Variants in RYR3 observed in about 807,000 individuals in gnomAD.
The protein encoded by RYR3 is ryanodine receptor 3.
A neutral mutation model predicts 584.3 loss-of-function variants in RYR3; 207 were observed. The ratio of observed to expected loss-of-function variants is 0.35; its 90% confidence interval spans 0.32 to 0.40. RYR3 has a LOEUF of 0.40. Among genes scored for constraint, RYR3 ranks in the 10% least tolerant of loss-of-function variants. The pLI is 1.00. For missense variants in RYR3, 5,616 were observed against 6,089.2 expected (o/e 0.92, Z 2.59); for synonymous variants, 2,416 against 2,248.5 (o/e 1.07, Z -2.11).
chr15:33,810,900 C>G (rs2076496420), intron 71 of RYR3, 78 bp from the exon 72 acceptor site: 2 of 1,260,054 alleles, frequency 1.6e-6, no homozygotes, highest in Non-Finnish European at 2.3e-6. Context: ...TGTGCGTTGA[C>G]TCTCCATACA....
chr15:33,394,139 T>A (rs542469821), intron 1 of RYR3, among the ~76,000 whole-genome samples: 6 of 152,172 alleles, frequency 3.9e-5, no homozygotes, highest in Admixed American at 6.5e-5. Flanking sequence ...AGTGTTACTG[T>A]CCTCATTTTC....
intron 99 of RYR3, chr15:33,858,125 C>A: frequency 3.1e-6 from 2 of 636,316 alleles, no homozygotes; most frequent in Non-Finnish European, 5.3e-6. Context: ...TTTTCATTAC[C>A]ACACATCTAA....
chr15:33,469,696 AATAG>A (rs1373748558), intron 1 of RYR3, among the ~76,000 whole-genome samples: 5 of 152,114 alleles, frequency 3.3e-5, no homozygotes, highest in Non-Finnish European at 7.4e-5. Context: ...CGCAGGTAAA[AATAG>A]ATGGAGGTTT....
intron 1 of RYR3, among the ~76,000 whole-genome samples, chr15:33,348,880 A>T (rs1972825029): frequency 6.6e-6 from 1 of 152,098 alleles, no homozygotes; most frequent in African/African-American, 2.4e-5. Context: ...TTGCAGCATA[A>T]TACAGAATAG....
chr15:33,710,742 G>A (rs1417915929), intron 43 of RYR3, among the ~76,000 whole-genome samples: 2 of 152,216 alleles, frequency 1.3e-5, no homozygotes, highest in African/African-American at 4.8e-5. Context: ...CATACCTACA[G>A]GCTTAACACT....
At chr15:33,510,277 C>T (rs1250610355) in intron 3 of RYR3, among the ~76,000 whole-genome samples, 2 of 152,170 alleles carry the variant, frequency 1.3e-5, no homozygotes, top group African/African-American at 4.8e-5. Flanking sequence ...GCTTTAGGTT[C>T]CCCACCTCTA....
At chr15:33,688,996 C>G (rs1402166442) in intron 38 of RYR3, among the ~76,000 whole-genome samples, 2 of 151,988 alleles carry the variant, frequency 1.3e-5, no homozygotes, top group East Asian at 3.9e-4. Flanking sequence ...CAATGATAGA[C>G]TAGATTAAGA....
At chr15:33,634,122 G>C (rs1231949075) in intron 24 of RYR3, among the ~76,000 whole-genome samples, 1 of 152,126 alleles carries the variant, frequency 6.6e-6, no homozygotes, top group African/African-American at 2.4e-5. Context: ...CATGACCTCA[G>C]CTCACTGCAA....
chr15:33,311,031 GA>G lies in RYR3; in HGVS notation c.-14del, dbSNP rs1432263981. 1.9e-6 allele frequency: 3 copies of G among 1,575,154 alleles called. No individual in the cohort carries two copies. The highest frequency in any genetic ancestry group is 1.4e-5 in the African/African-American group (1 of 72,288). On this transcript the variant is annotated 5_prime_UTR_variant, in exon 1 of 104. Coordinates refer to ENST00000634891, the MANE Select transcript of RYR3 (RefSeq NM_001036.6). The surrounding 1 kb of genome is among the most constrained non-coding windows in gnomAD (Gnocchi z 4.4). ...AGGCGCCGGAGGCTGGGGCACCGCC[GA>G]CGCCTCGGGAGCCATGGCCGAAGGG... is the stretch of plus-strand genomic sequence containing the variant.
intron 1 of RYR3, among the ~76,000 whole-genome samples, chr15:33,463,632 C>T (rs2048222726): frequency 6.6e-6 from 1 of 152,158 alleles, no homozygotes; most frequent in Non-Finnish European, 1.5e-5. Flanking sequence ...GAATTAATTG[C>T]ATATGTAAAC....
chr15:33,631,113 A>ACAAG (rs2152630953), intron 22 of RYR3, 97 bp from the exon 23 acceptor site: 1 of 727,562 alleles, frequency 1.4e-6, no homozygotes, highest in Admixed American at 2.8e-5. Flanking sequence ...GGCTAAATGA[A>ACAAG]TGGCTCTTGT....
chr15:33,478,815 G>A (rs1457572952), intron 2 of RYR3, among the ~76,000 whole-genome samples: 1 of 152,142 alleles, frequency 6.6e-6, no homozygotes. Context: ...GGAAGAATAT[G>A]AGAACTATTT....
intron 1 of RYR3, among the ~76,000 whole-genome samples, chr15:33,365,190 T>A (rs1412564474): frequency 6.6e-6 from 1 of 152,196 alleles, no homozygotes; most frequent in African/African-American, 2.4e-5. Flanking sequence ...ACAGACTGGA[T>A]AACCCTCCTC....
chr15:33,314,199 T>C (rs1967758065), intron 1 of RYR3, among the ~76,000 whole-genome samples: 2 of 152,142 alleles, frequency 1.3e-5, no homozygotes, highest in Non-Finnish European at 2.9e-5. Flanking sequence ...CTGACAGTCA[T>C]GTATGCCAGT....
At chr15:33,617,616 T>A (rs2060518557) in intron 19 of RYR3, among the ~76,000 whole-genome samples, 1 of 152,182 alleles carries the variant, frequency 6.6e-6, no homozygotes, top group Admixed American at 6.5e-5. Context: ...GGCTTCTAAG[T>A]TAGACTTGAG....
At chr15:33,338,095 C>A (rs1203765041) in intron 1 of RYR3, among the ~76,000 whole-genome samples, 3 of 152,036 alleles carry the variant, frequency 2.0e-5, no homozygotes, top group African/African-American at 7.2e-5. Context: ...CAGGCGCCCG[C>A]CACCACGCCC....
At chr15:33,620,019 C>T (rs1220820387) in intron 19 of RYR3, among the ~76,000 whole-genome samples, 1 of 152,140 alleles carries the variant, frequency 6.6e-6, no homozygotes, top group Non-Finnish European at 1.5e-5. Context: ...CCCTAAACCT[C>T]CCTCCAGATC....
intron 1 of RYR3, among the ~76,000 whole-genome samples, chr15:33,400,279 A>T (rs2042563956): frequency 6.6e-6 from 1 of 152,130 alleles, no homozygotes; most frequent in African/African-American, 2.4e-5. Flanking sequence ...CTGATAGCAC[A>T]CCTTTTCACT....
At chr15:33,653,514 C>T (rs560415114) in intron 32 of RYR3, among the ~76,000 whole-genome samples, 1 of 151,926 alleles carries the variant, frequency 6.6e-6, no homozygotes, top group African/African-American at 2.4e-5. Flanking sequence ...ATTAAAAATG[C>T]AAAAAATTAG....
Sources: gnomAD v4.1 joint callset for allele counts (sites outside exome capture counted in the v4.1 genomes callset) on GRCh38, gnomAD v4.1.1 for gene constraint, Gnocchi (gnomAD v3.1) non-coding constraint, MANE v1.5 for transcripts, NCBI Gene and HGNC (gene_info 2026-07-23, HGNC 2026-07-21) for gene names.